FTO: variants seen among roughly 807,000 people sequenced by gnomAD.
FTO encodes the protein FTO alpha-ketoglutarate dependent dioxygenase.
FTO carries 47 observed loss-of-function variants against 63.9 expected under a neutral mutation model. The observed-to-expected ratio is 0.74, with a 90% CI of 0.58 to 0.94. The LOEUF (loss-of-function observed/expected upper bound fraction) is 0.94. Among genes scored for constraint, FTO ranks in the 40% least tolerant of loss-of-function variants. FTO has a pLI of 0.00. For synonymous variants in FTO, 207 were observed against 224.4 expected, an observed-to-expected ratio of 0.92 and a Z score of 0.69; for missense variants, 562 against 618.1, an observed-to-expected ratio of 0.91 and a Z score of 0.96.
intron 8 of FTO, among the ~76,000 whole-genome samples, chr16:54,040,933 G>A (rs958615087): frequency 1.2e-4 from 19 of 152,090 alleles, no homozygotes; most frequent in Admixed American, 8.5e-4. Context: ...AAAATACCGA[G>A]GCTTCTCCCC....
chr16:54,000,351 A>G (rs1202526156), intron 8 of FTO, among the ~76,000 whole-genome samples: 1 of 152,198 alleles, frequency 6.6e-6, no homozygotes, highest in African/African-American at 2.4e-5. Flanking sequence ...GAGAATGGAG[A>G]ACAGATGTAT....
At chr16:53,924,034 G>A (rs1188120314) in intron 7 of FTO, among the ~76,000 whole-genome samples, 1 of 152,118 alleles carries the variant, frequency 6.6e-6, no homozygotes, top group Admixed American at 6.5e-5. Flanking sequence ...CATAGTCATG[G>A]CTGTGATATT....
At chr16:54,028,995 T>G (rs1475828020) in intron 8 of FTO, among the ~76,000 whole-genome samples, 1 of 152,188 alleles carries the variant, frequency 6.6e-6, no homozygotes, top group African/African-American at 2.4e-5. Flanking sequence ...TAAAATTAAA[T>G]AACAGCACAA....
intron 7 of FTO, among the ~76,000 whole-genome samples, chr16:53,891,133 G>T (rs1013024187): frequency 2.0e-5 from 3 of 152,008 alleles, no homozygotes; most frequent in Non-Finnish European, 4.4e-5. Flanking sequence ...TGGGATAACA[G>T]GGGCCCGCCA....
chr16:53,776,440 T>C (rs1193233761), intron 1 of FTO, among the ~76,000 whole-genome samples: 2 of 152,194 alleles, frequency 1.3e-5, no homozygotes, highest in Non-Finnish European at 2.9e-5. Context: ...AAGGCAGCTA[T>C]TATGTGTTTG....
At chr16:53,776,008 T>G (rs2077451136) in intron 1 of FTO, among the ~76,000 whole-genome samples, 1 of 152,162 alleles carries the variant, frequency 6.6e-6, no homozygotes, top group South Asian at 2.1e-4. Context: ...ATCTACTTGC[T>G]TGGGAAAAAG....
chr16:53,782,455 A>G (rs2077611573), intron 1 of FTO, among the ~76,000 whole-genome samples: 1 of 152,132 alleles, frequency 6.6e-6, no homozygotes, highest in Admixed American at 6.5e-5. Flanking sequence ...ATAATGTGTA[A>G]ATGTCGAGAG....
intron 1 of FTO, among the ~76,000 whole-genome samples, chr16:53,807,754 A>T (rs1007981153): frequency 2.0e-5 from 3 of 152,212 alleles, no homozygotes; most frequent in East Asian, 3.8e-4. Flanking sequence ...AAGACTAAGA[A>T]TTGATAAAAT....
chr16:53,875,984 C>A (rs182084976), intron 5 of FTO, among the ~76,000 whole-genome samples: 1 of 152,106 alleles, frequency 6.6e-6, no homozygotes, highest in South Asian at 2.1e-4. Context: ...CCAATGCTCC[C>A]GGCCTAGATT....
intron 1 of FTO, among the ~76,000 whole-genome samples, chr16:53,808,358 T>A (rs969264400): frequency 1.3e-5 from 2 of 152,082 alleles, no homozygotes; most frequent in Admixed American, 1.3e-4. Flanking sequence ...ATTTCTTTGT[T>A]TAACTGGTAA....
Position 53,727,044 on chromosome 16 carries a change from T to C in FTO, c.45+22815T>C, listed in dbSNP as rs191035450. ...TATATCTTCAATCAGGAGAAAGAAGTTTCCCCTCTTCTTTTCTTTCTTTCT... is the reference window on the plus strand; with the variant it reads ...TATATCTTCAATCAGGAGAAAGAAGCTTCCCCTCTTCTTTTCTTTCTTTCT... On this transcript the variant is annotated intron_variant, in intron 1 of 8. Coordinates refer to ENST00000471389, the MANE Select transcript of FTO (RefSeq NM_001080432.3). 5.3e-5 allele frequency among the ~76,000 whole-genome samples: 8 copies of C among 152,266 alleles called. No homozygotes were observed. The East Asian group carries it at 1.5e-3, about 29-fold the overall frequency.
intron 8 of FTO, among the ~76,000 whole-genome samples, chr16:53,940,823 A>C (rs2082511242): frequency 6.6e-6 from 1 of 152,028 alleles, no homozygotes; most frequent in Non-Finnish European, 1.5e-5. Flanking sequence ...CTAAGTTCCC[A>C]TTTTTTTCTG....
chr16:53,742,021 T>G (rs1254919559), intron 1 of FTO, among the ~76,000 whole-genome samples: 2 of 152,194 alleles, frequency 1.3e-5, no homozygotes, highest in East Asian at 3.9e-4. Flanking sequence ...GTTTGTTAGT[T>G]TCTCCCAGAG....
At chr16:53,774,951 C>T (rs756391386) in intron 1 of FTO, among the ~76,000 whole-genome samples, 2 of 152,144 alleles carry the variant, frequency 1.3e-5, no homozygotes, top group Non-Finnish European at 2.9e-5. Flanking sequence ...ATGTTGCCTG[C>T]AGAAAAAGTT....
At chr16:53,949,697 CAAAAAA>C (rs11344563) in intron 8 of FTO, among the ~76,000 whole-genome samples, 1 of 130,120 alleles carries the variant, frequency 7.7e-6, no homozygotes, top group Non-Finnish European at 1.7e-5. Context: ...GCAGTTTGTG[CAAAAAA>C]AAAAAAAAAA....
intron 8 of FTO, among the ~76,000 whole-genome samples, chr16:54,090,682 A>G (rs1350930215): frequency 1.3e-5 from 2 of 152,228 alleles, no homozygotes; most frequent in African/African-American, 4.8e-5. Context: ...AATGTAACAA[A>G]TCACCCCGAA....
intron 8 of FTO, among the ~76,000 whole-genome samples, chr16:54,005,293 A>G (rs1281686291): frequency 3.4e-5 from 5 of 146,580 alleles, no homozygotes; most frequent in Admixed American, 1.4e-4. Context: ...ATAAAATAAA[A>G]ATATTAAGCC....
chr16:54,012,045 T>C (rs1280081357), intron 8 of FTO, among the ~76,000 whole-genome samples: 1 of 152,212 alleles, frequency 6.6e-6, no homozygotes, highest in African/African-American at 2.4e-5. Context: ...CTAGAAATGA[T>C]TAAGCTTAGT....
chr16:53,918,994 A>G (rs62035773), intron 7 of FTO, among the ~76,000 whole-genome samples: 2,838 of 152,332 alleles, frequency 0.019, 52 homozygotes, highest in Middle Eastern at 0.051. Flanking sequence ...CATAGTTAGT[A>G]TGAGGATCAA....
Sources: allele counts gnomAD v4.1 joint callset (sites outside exome capture counted in the v4.1 genomes callset), GRCh38; gene constraint gnomAD v4.1.1; transcripts MANE v1.5; gene names NCBI Gene and HGNC (gene_info 2026-07-23, HGNC 2026-07-21).